FAM120A: variants seen among roughly 807,000 people sequenced by gnomAD.
The protein encoded by FAM120A is constitutive coactivator of PPAR-gamma-like protein 1.
In FAM120A, 15 loss-of-function variants were observed where a neutral mutation model predicts 109.7. The observed-to-expected ratio is 0.14, with a 90% CI of 0.09 to 0.21. The LOEUF is 0.21. FAM120A is among the 10% of genes least tolerant of loss of function. The pLI, the probability that FAM120A is intolerant of heterozygous loss-of-function variation, is 1.00. For synonymous variants in FAM120A, 493 were observed against 572.8 expected, an observed-to-expected ratio of 0.86 and a Z score of 1.99; for missense variants, 899 against 1,439.3, an observed-to-expected ratio of 0.62 and a Z score of 6.07.
intron 10 of FAM120A, among the ~76,000 whole-genome samples, chr9:93,541,817 C>T (rs1026797095): frequency 2.0e-5 from 3 of 152,188 alleles, no homozygotes; most frequent in Non-Finnish European, 2.9e-5. Context: ...CTTGACTCAA[C>T]GTGTTCCTAT....
intron 10 of FAM120A, among the ~76,000 whole-genome samples, chr9:93,536,055 A>G (rs1233836287): frequency 6.6e-6 from 1 of 152,240 alleles, no homozygotes; most frequent in African/African-American, 2.4e-5. Context: ...GACACTAAAT[A>G]GGATAGGAAA....
At chr9:93,538,012 A>C (rs1293550085) in intron 10 of FAM120A, among the ~76,000 whole-genome samples, 1 of 151,524 alleles carries the variant, frequency 6.6e-6, no homozygotes, top group African/African-American at 2.4e-5. Context: ...CTTTTGGATT[A>C]ATATTCATTT....
In FAM120A at chr9:93,529,726, T is replaced by C. The variant is rs1311948150; in HGVS notation, c.1734+146T>C. On this transcript the variant is annotated intron_variant, in intron 9 of 17. Coordinates refer to ENST00000277165, the MANE Select transcript of FAM120A (RefSeq NM_014612.5). ...AAGTTCACTTTCCCCTTTCTAAACATTGAATGAAAGATGAACATTTATAAC... is the reference window on the plus strand; with the variant it reads ...AAGTTCACTTTCCCCTTTCTAAACACTGAATGAAAGATGAACATTTATAAC... 5 of 729,192 alleles carry C rather than the reference T, an allele frequency of 6.9e-6. No individual in the cohort carries two copies. In the East Asian group the frequency reaches 1.3e-4, roughly 20 times the overall value. The allele number at this position is 729,192 out of a possible 1,614,324, so 45.2% of individuals were successfully genotyped here.
At chr9:93,541,187 T>C (rs1861686638) in intron 10 of FAM120A, among the ~76,000 whole-genome samples, 1 of 152,122 alleles carries the variant, frequency 6.6e-6, no homozygotes, top group Non-Finnish European at 1.5e-5. Flanking sequence ...CGAGGTGTGG[T>C]TATGTAGAGT....
At chr9:93,503,005 G>A (rs1231562253) in intron 5 of FAM120A, among the ~76,000 whole-genome samples, 1 of 152,228 alleles carries the variant, frequency 6.6e-6, no homozygotes, top group Non-Finnish European at 1.5e-5. Context: ...GGCTGAAGAA[G>A]TAGCCACTGT....
rs977249904 is a variant in FAM120A at position 93,500,328 on chromosome 9, G to A, written c.1030+1442G>A. Among the ~76,000 whole-genome samples, 1 of 152,194 alleles carries A rather than the reference G, an allele frequency of 6.6e-6. No homozygotes were observed. The highest frequency in any genetic ancestry group is 1.5e-5 in the Non-Finnish European group (1 of 68,046). On this transcript the variant is annotated intron_variant, in intron 5 of 17. Coordinates refer to ENST00000277165, the MANE Select transcript of FAM120A (RefSeq NM_014612.5). This position sits in a 1 kb window ranked among gnomAD's most constrained non-coding sequence, Gnocchi z 4.6. Reference sequence around the variant, plus strand: ...TGAGCGCAGCCTCCTTTCTTGCCTTGCATGAACCAAGCTAGCTTCTGCCCT... The same window carrying A: ...TGAGCGCAGCCTCCTTTCTTGCCTTACATGAACCAAGCTAGCTTCTGCCCT...
At chr9:93,511,902 C>G (rs143527458) in intron 5 of FAM120A, among the ~76,000 whole-genome samples, 148 of 152,342 alleles carry the variant, frequency 9.7e-4, no homozygotes, top group African/African-American at 3.3e-3. Flanking sequence ...AAGCGATTTT[C>G]AGCCTCTGCC....
At position 93,565,689 on chromosome 9, in the gene FAM120A, G is replaced by A; in HGVS notation, c.*1149G>A. The A allele has an allele frequency of 6.9e-6, 1 of 144,968 alleles. No homozygotes were observed. The highest frequency in any genetic ancestry group is 6.9e-5 in the Admixed American group (1 of 14,572). The allele number at this position is 144,968 out of a possible 1,614,324, so 9.0% of individuals were successfully genotyped here. On this transcript the variant is annotated 3_prime_UTR_variant, in exon 18 of 18. Transcript: ENST00000277165. Reference sequence around the variant, plus strand: ...GAAATTCTGTGAAAAAAAACCCTTTGATCTTAAAAAAAAAAAAACCACCCC... The same window carrying A: ...GAAATTCTGTGAAAAAAAACCCTTTAATCTTAAAAAAAAAAAAACCACCCC...
chr9:93,525,334 T>C (rs1266744066), intron 7 of FAM120A, among the ~76,000 whole-genome samples: 1 of 152,132 alleles, frequency 6.6e-6, no homozygotes, highest in Non-Finnish European at 1.5e-5. Context: ...CTTGGCACTT[T>C]CCTAACACTT....
chr9:93,497,407 A>G (rs1270216374), intron 3 of FAM120A, 64 bp from the exon 4 acceptor site: 3 of 1,587,828 alleles, frequency 1.9e-6, no homozygotes, highest in East Asian at 4.5e-5. Context: ...TGGCTCCTGC[A>G]TTCAGATTAG....
chr9:93,452,307 C>A lies in FAM120A; in HGVS notation c.392C>A (p.Thr131Asn). 6.2e-7 allele frequency: 1 copy of A among 1,612,990 alleles called. No homozygotes were observed. The highest frequency in any genetic ancestry group is 8.5e-7 in the Non-Finnish European group (1 of 1,179,878). The stretch of plus-strand genomic sequence containing the variant: ...GTCAGCCATGTCCAGAACAAGGGCA[C>A]CCCGCCGCCAAAGGTCTGGTTCCTG... ...QIVSHVQNKG[T>N]PPPKVWFLPP... The change falls in exon 1 of 18, where the codon ACC (threonine) becomes AAC (asparagine). Residue 131 changes from threonine (T) to asparagine (N), a missense_variant. Transcript: ENST00000277165. The surrounding 1 kb of genome is among the most constrained non-coding windows in gnomAD (Gnocchi z 7.0).
At position 93,532,639 on chromosome 9, in the gene FAM120A, C is replaced by T. The variant is rs906352702; in HGVS notation, c.1909+310C>T. The T allele has an allele frequency of 3.8e-5, 13 of 340,856 alleles. No homozygotes were observed. Among genetic ancestry groups the T allele is most frequent in the Non-Finnish European group, 2.8e-5 (5 of 178,682 alleles). 21.1% of individuals were successfully genotyped at this position (340,856 alleles called of 1,614,324 possible). On this transcript the variant is annotated intron_variant, in intron 10 of 17. Transcript: ENST00000277165. This position sits in a 1 kb window ranked among gnomAD's most constrained non-coding sequence, Gnocchi z 4.3. ...TTGCCGCCACTCTCTGTAATTACCA[C>T]GTCTTGGTAATCAGGACGAGTGAGT... is the stretch of plus-strand genomic sequence containing the variant.
chr9:93,502,348 C>T (rs942216712), intron 5 of FAM120A, among the ~76,000 whole-genome samples: 16 of 152,068 alleles, frequency 1.1e-4, no homozygotes, highest in African/African-American at 3.6e-4. Context: ...GATTCCACCT[C>T]AAAACTGCTA....
At chr9:93,551,400 A>G (rs183561616) in intron 12 of FAM120A, among the ~76,000 whole-genome samples, 3 of 152,176 alleles carry the variant, frequency 2.0e-5, no homozygotes, top group Non-Finnish European at 4.4e-5. Flanking sequence ...TAATTTCCAT[A>G]TTAAATTTTA....
rs142082129 is a variant in FAM120A at position 93,466,126 on chromosome 9, G to A, written c.475-5015G>A. Among the ~76,000 whole-genome samples, 403 of 152,022 alleles carry A rather than the reference G, an allele frequency of 2.7e-3. 1 individual carries two copies. Among genetic ancestry groups the A allele is most frequent in the African/African-American group, 9.1e-3 (376 of 41,448 alleles). On this transcript the variant is annotated intron_variant, in intron 1 of 17. Coordinates refer to ENST00000277165, the MANE Select transcript of FAM120A (RefSeq NM_014612.5). The stretch of plus-strand genomic sequence containing the variant: ...CTCTGCAGTGACCAGTTTTCCTTTC[G>A]CTTATTTATAACATCCTCATACTTT...
chr9:93,543,368 C>T lies in FAM120A; in HGVS notation c.2056C>T (p.Arg686Cys). 2 of 1,614,130 alleles carry T rather than the reference C, an allele frequency of 1.2e-6. No individual in the cohort carries two copies. The highest frequency in any genetic ancestry group is 1.7e-6 in the Non-Finnish European group (2 of 1,180,002). The change falls in exon 11 of 18, where the codon CGC becomes TGC. Residue 686 changes from arginine to cysteine, a missense_variant. By Grantham distance (180) the Arg-to-Cys change is radical. Transcript: ENST00000277165. ...WLGKAVEDKN[R>C]RMRAFLACMR... The stretch of plus-strand genomic sequence containing the variant: ...GGGTAAGGCGGTAGAGGACAAGAAC[C>T]GCAGGATGAGGGCCTTCCTGGCCTG...
rs140427704 is a variant in FAM120A, at chr9:93,540,359, T to C, written c.1910-2863T>C. The stretch of plus-strand genomic sequence containing the variant: ...TTGTGTCAGTCACATCTATTTTCTT[T>C]GATAAAGACATGTATTTCCTGAATT... On this transcript the variant is annotated intron_variant, in intron 10 of 17. Coordinates refer to ENST00000277165, the MANE Select transcript of FAM120A (RefSeq NM_014612.5). Among the ~76,000 whole-genome samples, 1,227 of 152,372 alleles carry C rather than the reference T, an allele frequency of 8.1e-3. 5 individuals are homozygous for C. The highest frequency in any genetic ancestry group is 0.012 in the Non-Finnish European group (846 of 68,040).
chr9:93,540,776 A>G (rs1237869407), intron 10 of FAM120A, among the ~76,000 whole-genome samples: 2 of 152,298 alleles, frequency 1.3e-5, no homozygotes, highest in Admixed American at 6.5e-5. Context: ...TCACTCTGCA[A>G]TCTAGGGCCT....
chr9:93,457,394 C>T (rs762511640), intron 1 of FAM120A, among the ~76,000 whole-genome samples: 148 of 151,536 alleles, frequency 9.8e-4, no homozygotes, highest in Non-Finnish European at 1.7e-3. Flanking sequence ...AATATAGTTC[C>T]ATTTTTTCAC....
Sources: allele counts gnomAD v4.1 joint callset (sites outside exome capture counted in the v4.1 genomes callset), GRCh38; gene constraint gnomAD v4.1.1; non-coding constraint Gnocchi (gnomAD v3.1); transcripts MANE v1.5; gene names NCBI Gene and HGNC (gene_info 2026-07-23, HGNC 2026-07-21).